Variants in HMGCLL1 observed in about 807,000 individuals in gnomAD.
The protein encoded by HMGCLL1 is 3-hydroxymethyl-3-methylglutaryl-CoA lyase, cytoplasmic.
HMGCLL1 carries 36 observed loss-of-function variants against 39.1 expected under a neutral mutation model. The observed-to-expected ratio is 0.92, with a 90% confidence interval of 0.71 to 1.22. The LOEUF (loss-of-function observed/expected upper bound fraction) is 1.22, where lower values mean the gene tolerates loss of function less well. Among genes scored for constraint, HMGCLL1 ranks in the 50% most tolerant of loss-of-function variants. The pLI is 0.00. For synonymous variants in HMGCLL1, 149 were observed against 144.0 expected (o/e 1.03, Z -0.25); for missense variants, 451 against 416.5 (o/e 1.08, Z -0.72).
chr6:55,442,097 T>C (rs192292660), intron 7 of HMGCLL1, among the ~76,000 whole-genome samples: 346 of 152,284 alleles, frequency 2.3e-3, no homozygotes, highest in Non-Finnish European at 4.3e-3. Flanking sequence ...GGATATATAA[T>C]ATCAATATAA....
chr6:55,442,882 T>G (rs1257567832), intron 7 of HMGCLL1, among the ~76,000 whole-genome samples: 2 of 152,176 alleles, frequency 1.3e-5, no homozygotes, highest in Non-Finnish European at 2.9e-5. Context: ...ATTAAGATGT[T>G]GACCCGTCTC....
chr6:55,476,224 T>C (rs941685874), intron 7 of HMGCLL1, among the ~76,000 whole-genome samples: 3 of 151,652 alleles, frequency 2.0e-5, no homozygotes, highest in Non-Finnish European at 4.4e-5. Context: ...CTCTGTTTAC[T>C]TTTATTTATA....
At chr6:55,653,954 G>A in the HMGCLL1 span, among the ~76,000 whole-genome samples, 1 of 151,988 alleles carries the variant, frequency 6.6e-6, no homozygotes, top group Non-Finnish European at 1.5e-5. Flanking sequence ...TAATTATGTT[G>A]AGTTTGACAT....
chr6:55,559,674 G>C (rs745633852), intron 1 of HMGCLL1, among the ~76,000 whole-genome samples: 4 of 152,178 alleles, frequency 2.6e-5, no homozygotes, highest in Non-Finnish European at 5.9e-5. Context: ...GTGTGTTACA[G>C]AGTTTAGACA....
At chr6:55,669,681 GT>G in the HMGCLL1 span, among the ~76,000 whole-genome samples, 2 of 150,982 alleles carry the variant, frequency 1.3e-5, no homozygotes, top group East Asian at 4.0e-4. Context: ...TCAAATGGAA[GT>G]TTTTGAAATG....
the HMGCLL1 span, among the ~76,000 whole-genome samples, chr6:55,627,332 A>G: frequency 1.3e-5 from 2 of 152,044 alleles, no homozygotes; most frequent in Non-Finnish European, 2.9e-5. Context: ...GCATTTAAGT[A>G]TGGTTGACTT....
the HMGCLL1 span, among the ~76,000 whole-genome samples, chr6:55,665,182 T>C: frequency 1.3e-5 from 2 of 151,726 alleles, no homozygotes; most frequent in African/African-American, 4.8e-5. Context: ...AGGATAGATA[T>C]GTATCTCGAT....
At chr6:55,611,233 C>A in the HMGCLL1 span, among the ~76,000 whole-genome samples, 6 of 152,116 alleles carry the variant, frequency 3.9e-5, no homozygotes, top group African/African-American at 9.7e-5. Flanking sequence ...ATGCAACATA[C>A]CAGAATCTCT....
Position 55,472,080 on chromosome 6 carries a change from T to G in HMGCLL1, c.795+23339A>C, listed in dbSNP as rs1226642551. ...ATATGTATTTGTGTTGCTTCCAATT[T>G]GGAGTTACTATAAAGAGTACTAGTG... is the stretch of plus-strand genomic sequence containing the variant. On this transcript the variant is annotated intron_variant, in intron 7 of 8. Transcript: ENST00000274901. 2.6e-5 allele frequency among the ~76,000 whole-genome samples: 4 copies of G among 151,844 alleles called. No homozygotes were observed. In the East Asian group the frequency reaches 7.7e-4, roughly 29 times the overall value.
At chr6:55,446,684 G>T (rs1284954163) in intron 7 of HMGCLL1, among the ~76,000 whole-genome samples, 2 of 151,862 alleles carry the variant, frequency 1.3e-5, no homozygotes, top group African/African-American at 4.8e-5. Flanking sequence ...CTAACTAAAA[G>T]TACCATCACA....
intron 7 of HMGCLL1, among the ~76,000 whole-genome samples, chr6:55,451,761 A>G (rs2127389265): frequency 6.6e-6 from 1 of 152,314 alleles, no homozygotes; most frequent in Middle Eastern, 3.4e-3. Context: ...CTAAATGTTA[A>G]TAAGTTTTTT....
At chr6:55,667,883 A>G in the HMGCLL1 span, among the ~76,000 whole-genome samples, 13 of 151,676 alleles carry the variant, frequency 8.6e-5, no homozygotes, top group Non-Finnish European at 1.9e-4. Flanking sequence ...TACAATATAC[A>G]CTAAATGCAA....
At chr6:55,573,663 G>GA (rs1771628068) in intron 1 of HMGCLL1, among the ~76,000 whole-genome samples, 1 of 151,780 alleles carries the variant, frequency 6.6e-6, no homozygotes, top group Non-Finnish European at 1.5e-5. Flanking sequence ...AAGAAAGAAT[G>GA]AAAAAAATGA....
the HMGCLL1 span, among the ~76,000 whole-genome samples, chr6:55,649,655 G>A: frequency 2.6e-5 from 4 of 151,874 alleles, no homozygotes; most frequent in South Asian, 6.2e-4. Context: ...GATATTATCC[G>A]TTTGAATAAA....
At chr6:55,579,326 C>T (rs1346576412), upstream of HMGCLL1, 5 of 537,978 alleles carry the variant, frequency 9.3e-6, no homozygotes, top group African/African-American at 3.8e-5. Flanking sequence ...GGAGCTGAGC[C>T]AGAGGATGTC....
intron 7 of HMGCLL1, among the ~76,000 whole-genome samples, chr6:55,449,724 G>A (rs1763999253): frequency 6.6e-6 from 1 of 151,950 alleles, no homozygotes; most frequent in South Asian, 2.1e-4. Flanking sequence ...TTAGTATTTA[G>A]ATTTCTTTAA....
intron 1 of HMGCLL1, among the ~76,000 whole-genome samples, chr6:55,578,580 G>A (rs1206776962): frequency 1.3e-5 from 2 of 152,128 alleles, no homozygotes; most frequent in Non-Finnish European, 1.5e-5. Flanking sequence ...TTGTTACACA[G>A]TACAAGGAGC....
chr6:55,489,272 G>C (rs951470057), intron 7 of HMGCLL1, among the ~76,000 whole-genome samples: 8 of 152,074 alleles, frequency 5.3e-5, no homozygotes, highest in African/African-American at 1.9e-4. Context: ...AAGGCCATAT[G>C]TGTTAAGAAG....
chr6:55,486,831 C>G (rs1036657978), intron 7 of HMGCLL1, among the ~76,000 whole-genome samples: 6 of 152,044 alleles, frequency 3.9e-5, no homozygotes, highest in African/African-American at 1.4e-4. Context: ...TCTAGCAGTT[C>G]TAGAAGCTGG....
Sources: allele counts gnomAD v4.1 joint callset (sites outside exome capture counted in the v4.1 genomes callset), GRCh38; gene constraint gnomAD v4.1.1; transcripts MANE v1.5; gene names NCBI Gene and HGNC (gene_info 2026-07-23, HGNC 2026-07-21).